LRRC4C: variants seen among roughly 807,000 people sequenced by gnomAD.
LRRC4C encodes the protein leucine-rich repeat-containing protein 4C.
LRRC4C carries 5 observed loss-of-function variants against 33.6 expected under a neutral mutation model. The ratio of observed to expected loss-of-function variants is 0.15; its 90% confidence interval spans 0.08 to 0.31. The LOEUF is 0.31. Ranked by LOEUF, LRRC4C falls within the 10% of genes least tolerant of loss-of-function variation. The pLI is 1.00. For synonymous variants in LRRC4C, 329 were observed against 302.0 expected (o/e 1.09, Z -0.93); for missense variants, 560 against 796.7 (o/e 0.70, Z 3.58).
chr11:41,420,269 C>A (rs1954829597), intron 1 of LRRC4C, among the ~76,000 whole-genome samples: 1 of 151,856 alleles, frequency 6.6e-6, no homozygotes, highest in African/African-American at 2.4e-5. Flanking sequence ...CCTCACCATG[C>A]CACAAATAGA....
intron 2 of LRRC4C, among the ~76,000 whole-genome samples, chr11:40,885,712 C>T (rs1955422876): frequency 6.6e-6 from 1 of 152,046 alleles, no homozygotes; most frequent in Non-Finnish European, 1.5e-5. Flanking sequence ...CATACACTCA[C>T]CAAAAGTGAA....
At chr11:41,231,915 G>C (rs1047129742) in intron 1 of LRRC4C, among the ~76,000 whole-genome samples, 1 of 151,130 alleles carries the variant, frequency 6.6e-6, no homozygotes, top group African/African-American at 2.4e-5. Context: ...TTGCCTATAG[G>C]ACAAAGTCCA....
chr11:40,689,341 C>T (rs78681733), intron 2 of LRRC4C, among the ~76,000 whole-genome samples: 1 of 151,630 alleles, frequency 6.6e-6, no homozygotes, highest in Non-Finnish European at 1.5e-5. Flanking sequence ...CTCTGAGCCT[C>T]TTTCCTCTTT....
At chr11:40,876,901 CAA>C (rs71060985) in intron 2 of LRRC4C, among the ~76,000 whole-genome samples, 25,281 of 99,050 alleles carry the variant, frequency 0.26, 2,524 homozygotes, top group Admixed American at 0.3. Context: ...GGCTCTTTCT[CAA>C]AAAAAAAAAA....
intron 2 of LRRC4C, among the ~76,000 whole-genome samples, chr11:40,683,868 C>A (rs973989943): frequency 3.9e-5 from 6 of 152,150 alleles, no homozygotes; most frequent in Non-Finnish European, 8.8e-5. Flanking sequence ...AACATAAACT[C>A]TGCTAAAACG....
At chr11:41,094,182 G>A (rs1940645832) in intron 1 of LRRC4C, among the ~76,000 whole-genome samples, 1 of 150,854 alleles carries the variant, frequency 6.6e-6, no homozygotes, top group African/African-American at 2.4e-5. Context: ...TCCTCTTATT[G>A]ACTCCAAATC....
chr11:40,334,112 T>C (rs927981895), intron 3 of LRRC4C, among the ~76,000 whole-genome samples: 2 of 152,104 alleles, frequency 1.3e-5, no homozygotes, highest in Non-Finnish European at 2.9e-5. Flanking sequence ...TAACCTGGTG[T>C]TTTTCCTTGC....
intron 2 of LRRC4C, among the ~76,000 whole-genome samples, chr11:40,708,567 G>T (rs553669352): frequency 6.6e-6 from 1 of 152,170 alleles, no homozygotes; most frequent in African/African-American, 2.4e-5. Context: ...ATTGCCCTGT[G>T]GTCTGAGAGA....
chr11:40,651,804 G>A (rs528530679), intron 2 of LRRC4C, among the ~76,000 whole-genome samples: 3 of 152,156 alleles, frequency 2.0e-5, no homozygotes, highest in Non-Finnish European at 2.9e-5. Context: ...CTTCTCCACT[G>A]TGGAAGAAGC....
chr11:40,644,568 A>G (rs1220912069), intron 3 of LRRC4C, among the ~76,000 whole-genome samples: 1 of 152,252 alleles, frequency 6.6e-6, no homozygotes, highest in Non-Finnish European at 1.5e-5. Flanking sequence ...GTATATGCTT[A>G]CCAAGAAATA....
intron 1 of LRRC4C, among the ~76,000 whole-genome samples, chr11:41,054,425 G>C (rs1206596180): frequency 6.6e-6 from 1 of 152,146 alleles, no homozygotes; most frequent in Non-Finnish European, 1.5e-5. Flanking sequence ...CTCAGGGAAT[G>C]GATTTTTTAG....
intron 5 of LRRC4C, among the ~76,000 whole-genome samples, chr11:40,223,444 C>T (rs1403829330): frequency 6.6e-6 from 1 of 152,166 alleles, no homozygotes; most frequent in Non-Finnish European, 1.5e-5. Context: ...TCATGATCCT[C>T]ACTTTCATTG....
intron 3 of LRRC4C, among the ~76,000 whole-genome samples, chr11:40,483,227 T>C (rs1953680797): frequency 6.6e-6 from 1 of 152,132 alleles, no homozygotes; most frequent in African/African-American, 2.4e-5. Context: ...CAGCAGGAGC[T>C]GACTGAGGCT....
At chr11:40,320,406 G>A (rs1465232728) in intron 3 of LRRC4C, among the ~76,000 whole-genome samples, 1 of 152,152 alleles carries the variant, frequency 6.6e-6, no homozygotes, top group Non-Finnish European at 1.5e-5. Flanking sequence ...TCGGGAGGCT[G>A]AGGCAGGAGA....
At chr11:41,222,211 T>C (rs531309883) in intron 1 of LRRC4C, among the ~76,000 whole-genome samples, 7 of 152,308 alleles carry the variant, frequency 4.6e-5, no homozygotes, top group African/African-American at 9.6e-5. Flanking sequence ...CCTCTTCTTA[T>C]TGAAAATCAC....
At chr11:40,717,131 C>G (rs185228591) in intron 2 of LRRC4C, among the ~76,000 whole-genome samples, 1 of 152,234 alleles carries the variant, frequency 6.6e-6, no homozygotes, top group African/African-American at 2.4e-5. Flanking sequence ...TTATAAATTC[C>G]TTGGCATTCT....
intron 1 of LRRC4C, among the ~76,000 whole-genome samples, chr11:41,351,912 C>T (rs548227334): frequency 6.6e-4 from 100 of 152,214 alleles, no homozygotes; most frequent in African/African-American, 2.3e-3. Context: ...TTACTTGACA[C>T]CACAATAAAT....
At chr11:41,150,787 T>TAAATAAAATA (rs145554538) in intron 1 of LRRC4C, among the ~76,000 whole-genome samples, 1 of 148,558 alleles carries the variant, frequency 6.7e-6, no homozygotes, top group African/African-American at 2.5e-5. Flanking sequence ...AATAAATAAA[T>TAAATAAAATA]AAATAAAATA....
intron 4 of LRRC4C, among the ~76,000 whole-genome samples, chr11:40,248,571 T>A (rs1305401351): frequency 2.6e-5 from 4 of 152,014 alleles, no homozygotes; most frequent in African/African-American, 9.7e-5. Flanking sequence ...GGCATGGTGG[T>A]ATGACCCCGT....
Sources: allele counts gnomAD v4.1 joint callset (sites outside exome capture counted in the v4.1 genomes callset), GRCh38; gene constraint gnomAD v4.1.1; transcripts MANE v1.5; gene names NCBI Gene and HGNC (gene_info 2026-07-23, HGNC 2026-07-21).